SLC24A3: variants seen among roughly 807,000 people sequenced by gnomAD.
SLC24A3 encodes the protein sodium/potassium/calcium exchanger 3.
In SLC24A3, 28 loss-of-function variants were observed where a neutral mutation model predicts 75.8. The observed-to-expected ratio is 0.37, with a 90% confidence interval of 0.27 to 0.51. The LOEUF (loss-of-function observed/expected upper bound fraction) is 0.51, where lower values mean the gene tolerates loss of function less well. Among genes scored for constraint, SLC24A3 ranks in the 20% least tolerant of loss-of-function variants. The probability of loss-of-function intolerance (pLI) is 0.94; values close to 1 mark genes in which losing one functional copy is unlikely to be tolerated. For missense variants in SLC24A3, 663 were observed against 847.8 expected (o/e 0.78, Z 2.71); for synonymous variants, 372 against 334.1 (o/e 1.11, Z -1.24).
chr20:19,609,870 G>A (rs1240250391), intron 6 of SLC24A3, among the ~76,000 whole-genome samples: 1 of 152,190 alleles, frequency 6.6e-6, no homozygotes, highest in African/African-American at 2.4e-5. Flanking sequence ...GTGCCTGTGA[G>A]TCAGGTGGAA....
chr20:19,718,617 C>T (rs903562559), intron 16 of SLC24A3, among the ~76,000 whole-genome samples: 3 of 152,162 alleles, frequency 2.0e-5, no homozygotes, highest in Non-Finnish European at 2.9e-5. Context: ...ATCATAGCTA[C>T]GGTGCATCTT....
At position 19,216,764 on chromosome 20, in the gene SLC24A3, C is replaced by G. The variant is rs79240820; in HGVS notation, c.142+3780C>G. On this transcript the variant is annotated intron_variant, in intron 1 of 16. Coordinates refer to ENST00000328041, the MANE Select transcript of SLC24A3 (RefSeq NM_020689.4). The stretch of plus-strand genomic sequence containing the variant: ...TATACTAGTTGCTATTGCTGCATAA[C>G]AAGTCACCCCAAAAGTTAGTGGTGT... Among the ~76,000 whole-genome samples the G allele has an allele frequency of 4.4e-3, 673 of 152,264 alleles. 5 individuals are homozygous for G. Among genetic ancestry groups the G allele is most frequent in the African/African-American group, 0.015 (634 of 41,544 alleles).
At position 19,561,502 on chromosome 20, in the gene SLC24A3, T is replaced by C. The variant is rs867502694; in HGVS notation, c.349-18498T>C. Among the ~76,000 whole-genome samples the C allele has an allele frequency of 2.8e-4, 43 of 152,302 alleles. No homozygotes were observed. In the Middle Eastern group the frequency reaches 0.01, roughly 36 times the overall value. Reference sequence around the variant, plus strand: ...AGCACACCACTCCTATGTGTCTGTTTCTATGGAAGTAGCCCCCACAGATGC... The same window carrying C: ...AGCACACCACTCCTATGTGTCTGTTCCTATGGAAGTAGCCCCCACAGATGC... On this transcript the variant is annotated intron_variant, in intron 3 of 16. Transcript: ENST00000328041.
intron 2 of SLC24A3, among the ~76,000 whole-genome samples, chr20:19,457,669 A>G (rs886803521): frequency 1.3e-5 from 2 of 152,168 alleles, no homozygotes; most frequent in Non-Finnish European, 2.9e-5. Flanking sequence ...AATCCTGTAC[A>G]TCCTGACAGC....
Position 19,473,460 on chromosome 20 carries a change from G to A in SLC24A3, c.272-42028G>A. The stretch of plus-strand genomic sequence containing the variant: ...GGTGGTGGCGGTGGTAATAACAACA[G>A]CAATGGCGGGTAACCCGCCTTGAGC... On this transcript the variant is annotated intron_variant, in intron 2 of 16. Coordinates refer to ENST00000328041, the MANE Select transcript of SLC24A3 (RefSeq NM_020689.4). 1.3e-5 allele frequency among the ~76,000 whole-genome samples: 2 copies of A among 152,250 alleles called. 1 individual carries two copies. The highest frequency in any genetic ancestry group is 1.3e-4 in the Admixed American group (2 of 15,284).
chr20:19,592,685 A>G (rs780953411), intron 6 of SLC24A3, among the ~76,000 whole-genome samples: 4 of 151,732 alleles, frequency 2.6e-5, no homozygotes, highest in Admixed American at 1.3e-4. Flanking sequence ...AGTAATTTTC[A>G]TGTTTCTCTT....
intron 1 of SLC24A3, among the ~76,000 whole-genome samples, chr20:19,230,996 C>T (rs1221140435): frequency 1.3e-5 from 2 of 152,220 alleles, no homozygotes; most frequent in African/African-American, 4.8e-5. Context: ...ATATTAACTA[C>T]TCTGTCTTAG....
intron 14 of SLC24A3, 84 bp from the exon 15 acceptor site, chr20:19,698,484 G>T: frequency 4.5e-6 from 4 of 891,802 alleles, no homozygotes; most frequent in Non-Finnish European, 7.2e-6. Context: ...CCACTCTCTG[G>T]CTGTGAGACT....
chr20:19,363,444 G>A (rs1356732342), intron 2 of SLC24A3, among the ~76,000 whole-genome samples: 1 of 152,174 alleles, frequency 6.6e-6, no homozygotes, highest in Non-Finnish European at 1.5e-5. Context: ...TCCAGAATTG[G>A]CCACCAGCCT....
At chr20:19,293,089 C>A (rs1267696555) in intron 2 of SLC24A3, among the ~76,000 whole-genome samples, 1 of 152,132 alleles carries the variant, frequency 6.6e-6, no homozygotes, top group Admixed American at 6.5e-5. Context: ...GACCATAGCA[C>A]CCTTGCATCC....
At chr20:19,495,567 C>T (rs553489246) in intron 2 of SLC24A3, among the ~76,000 whole-genome samples, 1 of 152,280 alleles carries the variant, frequency 6.6e-6, no homozygotes, top group South Asian at 2.1e-4. Context: ...TGATTTCATT[C>T]GTTGTATGGC....
At chr20:19,329,286 C>T (rs865790895) in intron 2 of SLC24A3, among the ~76,000 whole-genome samples, 1 of 151,938 alleles carries the variant, frequency 6.6e-6, no homozygotes, top group Non-Finnish European at 1.5e-5. Flanking sequence ...AAGAAAAAAG[C>T]TTGTTTTTAT....
Position 19,384,292 on chromosome 20 carries a change from C to T in SLC24A3, c.271+103205C>T, listed in dbSNP as rs147519402. 3.7e-4 allele frequency among the ~76,000 whole-genome samples: 56 copies of T among 152,274 alleles called. 1 individual carries two copies. The East Asian group carries it at 9.3e-3, about 25-fold the overall frequency. ...AAATCTCCAGAACTTATTCATCCTG[C>T]GTAACTGAAACTTTGTGCTCTCTGA... On this transcript the variant is annotated intron_variant, in intron 2 of 16. Coordinates refer to ENST00000328041, the MANE Select transcript of SLC24A3 (RefSeq NM_020689.4).
chr20:19,536,074 C>A (rs79515727), intron 3 of SLC24A3, among the ~76,000 whole-genome samples: 10 of 152,152 alleles, frequency 6.6e-5, no homozygotes, highest in Non-Finnish European at 1.2e-4. Flanking sequence ...AAGTTTCCAA[C>A]GCATGAACTT....
At chr20:19,605,541 T>C (rs1252440877) in intron 6 of SLC24A3, among the ~76,000 whole-genome samples, 11 of 152,232 alleles carry the variant, frequency 7.2e-5, no homozygotes. Flanking sequence ...AAGAGATTAA[T>C]GTCAACCCCA....
chr20:19,538,372 A>G (rs1038844902), intron 3 of SLC24A3, among the ~76,000 whole-genome samples: 23 of 152,372 alleles, frequency 1.5e-4, no homozygotes, highest in African/African-American at 5.5e-4. Context: ...GAGACATCCA[A>G]TAAAGGATGT....
chr20:19,344,462 G>A (rs1051691532), intron 2 of SLC24A3, among the ~76,000 whole-genome samples: 2 of 152,156 alleles, frequency 1.3e-5, no homozygotes, highest in African/African-American at 4.8e-5. Flanking sequence ...AAATTCAGTA[G>A]TTTATTTAGG....
intron 2 of SLC24A3, among the ~76,000 whole-genome samples, chr20:19,485,908 G>A (rs76832176): frequency 4.1e-4 from 62 of 152,354 alleles, no homozygotes; most frequent in Non-Finnish European, 6.9e-4. Flanking sequence ...AAACCTGACT[G>A]CCTTCCATTT....
intron 9 of SLC24A3, among the ~76,000 whole-genome samples, chr20:19,676,813 G>A (rs974831780): frequency 2.6e-5 from 4 of 152,170 alleles, no homozygotes; most frequent in African/African-American, 9.7e-5. Flanking sequence ...ACTGCTCTAG[G>A]ATTTGTTCCC....
Sources: gnomAD v4.1 joint callset for allele counts (sites outside exome capture counted in the v4.1 genomes callset) on GRCh38, gnomAD v4.1.1 for gene constraint, MANE v1.5 for transcripts, NCBI Gene and HGNC (gene_info 2026-07-23, HGNC 2026-07-21) for gene names.